Variants in RBM26 observed in about 807,000 individuals in gnomAD.
RBM26 encodes RNA binding motif protein 26.
RBM26 carries 30 observed loss-of-function variants against 123.6 expected under a neutral mutation model. The ratio of observed to expected loss-of-function variants is 0.24; its 90% CI spans 0.18 to 0.33. The LOEUF (loss-of-function observed/expected upper bound fraction) is 0.33. Among genes scored for constraint, RBM26 ranks in the 10% least tolerant of loss-of-function variants. The pLI is 1.00. For missense variants in RBM26, 947 were observed against 1,203.6 expected (o/e 0.79, Z 3.15); for synonymous variants, 400 against 404.4 (o/e 0.99, Z 0.13).
intron 3 of RBM26, among the ~76,000 whole-genome samples, chr13:79,375,073 ATATGATATATATAAATATATATT>A (rs992549849): frequency 5.6e-4 from 15 of 26,942 alleles, no homozygotes; most frequent in African/African-American, 1.9e-3. Context: ...TTATATATTT[ATATGATATATATAAATATATATT>A]TATATATATC....
chr13:79,319,910 CTTTTCT>C lies in RBM26; in HGVS notation c.*705_*710del. ...TTTTAATTTTTTTCTTTTCTTTTTT[CTTTTCT>C]TTTTTTTTTTAAATCAAGGAACATT... On this transcript the variant is annotated 3_prime_UTR_variant, in exon 22 of 22. Coordinates refer to ENST00000438737, the MANE Select transcript of RBM26 (RefSeq NM_001366735.2). The C allele has an allele frequency of 2.9e-6, 2 of 690,000 alleles. No homozygotes were observed. The highest frequency in any genetic ancestry group is 1.2e-4 in the African/African-American group (2 of 17,154). The allele number at this position is 690,000 out of a possible 1,614,324, so 42.7% of individuals were successfully genotyped here. A position where few individuals can be genotyped will look rare whatever the true frequency, so the allele number is the denominator to read the frequency against.
intron 20 of RBM26, among the ~76,000 whole-genome samples, chr13:79,325,389 C>T (rs1334522582): frequency 6.6e-6 from 1 of 152,086 alleles, no homozygotes; most frequent in African/African-American, 2.4e-5. Flanking sequence ...CCCCTCAAGA[C>T]TTTCCAGTGG....
intron 1 of RBM26, among the ~76,000 whole-genome samples, chr13:79,388,661 T>A (rs2077686604): frequency 6.6e-6 from 1 of 152,198 alleles, no homozygotes; most frequent in South Asian, 2.1e-4. Flanking sequence ...CATCCAAACT[T>A]AACATGATTC....
intron 9 of RBM26, among the ~76,000 whole-genome samples, chr13:79,362,274 C>A (rs2074785824): frequency 6.6e-6 from 1 of 152,190 alleles, no homozygotes; most frequent in African/African-American, 2.4e-5. Context: ...ATTTCATCCA[C>A]TTATTACCCC....
chr13:79,365,455 GAAATA>G (rs2075163217), intron 9 of RBM26, 118 bp downstream of exon 9: 1 of 793,072 alleles, frequency 1.3e-6, no homozygotes, highest in Non-Finnish European at 2.0e-6. Flanking sequence ...AAAATAAAAT[GAAATA>G]AAATAAATCA....
intron 20 of RBM26, among the ~76,000 whole-genome samples, chr13:79,325,836 CT>C (rs2068320752): frequency 1.3e-5 from 2 of 152,152 alleles, no homozygotes; most frequent in African/African-American, 4.8e-5. Context: ...ATTTCCAGTC[CT>C]GCAAATGCCA....
Position 79,320,574 on chromosome 13 carries a change from G to GA in RBM26, c.*46dup. ...TAAAAGTACATTAGATAATACTAAT[G>GA]AAACACAGGTAGAGTTCTAGCATAT... On this transcript the variant is annotated 3_prime_UTR_variant, in exon 22 of 22. Coordinates refer to ENST00000438737, the MANE Select transcript of RBM26 (RefSeq NM_001366735.2). 1 of 1,480,574 alleles carries GA rather than the reference G, an allele frequency of 6.8e-7. No homozygotes were observed. 91.7% of individuals were successfully genotyped at this position (1,480,574 alleles called of 1,614,324 possible). A position where few individuals can be genotyped will look rare whatever the true frequency, so the allele number is the denominator to read the frequency against.
chr13:79,390,734 A>G lies in RBM26; in HGVS notation c.72-11827T>C, dbSNP rs562865794. ...CTAAAATGTTAATGGTAGAATCTCA[A>G]TGACGGGTATGTCACTGTAAAATTC... On this transcript the variant is annotated intron_variant, in intron 1 of 21. Transcript: ENST00000438737. 5.3e-5 allele frequency among the ~76,000 whole-genome samples: 8 copies of G among 152,326 alleles called. No homozygotes were observed. The South Asian group carries it at 1.7e-3, about 32-fold the overall frequency.
chr13:79,362,200 C>A (rs138522375), intron 9 of RBM26, among the ~76,000 whole-genome samples: 4 of 152,256 alleles, frequency 2.6e-5, no homozygotes, highest in Admixed American at 6.5e-5. Context: ...TCTGTCAAAG[C>A]TGTCCTTCTC....
intron 1 of RBM26, among the ~76,000 whole-genome samples, chr13:79,389,973 G>A (rs2077805601): frequency 6.6e-6 from 1 of 152,058 alleles, no homozygotes; most frequent in African/African-American, 2.4e-5. Context: ...GGAAATACTA[G>A]TTGTAGTAGC....
At chr13:79,314,228 T>C (rs1018287426), downstream of RBM26, 2 of 151,712 alleles carry the variant, frequency 1.3e-5, no homozygotes, top group Non-Finnish European at 3.0e-5. Context: ...CACAACACTA[T>C]TTCCTCTTGC....
chr13:79,335,041 A>T (rs1436615848), intron 19 of RBM26, among the ~76,000 whole-genome samples: 1 of 151,998 alleles, frequency 6.6e-6, no homozygotes, highest in African/African-American at 2.4e-5. Flanking sequence ...GGTTTGTTGG[A>T]TTTTTTTCCC....
At chr13:79,397,959 CAAG>C (rs1388178581) in intron 1 of RBM26, among the ~76,000 whole-genome samples, 2 of 152,036 alleles carry the variant, frequency 1.3e-5, no homozygotes, top group African/African-American at 4.8e-5. Context: ...TAAAATATCT[CAAG>C]AAGAATCACT....
chr13:79,337,822 T>C (rs891673349), intron 18 of RBM26, among the ~76,000 whole-genome samples: 3 of 152,212 alleles, frequency 2.0e-5, no homozygotes, highest in Admixed American at 1.3e-4. Context: ...TGTATGATGA[T>C]AGCACACCAC....
chr13:79,378,564 C>T (rs1384228910), intron 2 of RBM26, among the ~76,000 whole-genome samples: 3 of 152,054 alleles, frequency 2.0e-5, no homozygotes, highest in Non-Finnish European at 2.9e-5. Context: ...CTCAGCCTCC[C>T]GAGTAGCCGG....
Position 79,366,726 on chromosome 13 carries a change from G to A in RBM26, c.1042C>T (p.Pro348Ser), listed in dbSNP as rs774637716. The part of the protein sequence containing the change: ...VEGPPPPGLP[P>S]PPPILTPPPV... ...GGGGGTGTAAGAATTGGTGGAGGTG[G>A]GGGGAGTCCAGGAGGAGGTGGTCCT... The change falls in exon 7 of 22, where the codon CCA becomes TCA. Residue 348 changes from proline (P) to serine (S), a missense_variant. Pro to Ser is a moderately conservative substitution (Grantham distance 74). Transcript: ENST00000438737. The A allele has an allele frequency of 6.2e-7, 1 of 1,612,708 alleles. No individual in the cohort carries two copies. The highest frequency in any genetic ancestry group is 1.7e-5 in the Admixed American group (1 of 59,898).
intron 19 of RBM26, among the ~76,000 whole-genome samples, chr13:79,335,112 T>C (rs2138875881): frequency 6.6e-6 from 1 of 152,222 alleles, no homozygotes; most frequent in Non-Finnish European, 1.5e-5. Flanking sequence ...TCTAGTCCTT[T>C]ATATATCATT....
intron 3 of RBM26, among the ~76,000 whole-genome samples, chr13:79,373,147 A>G (rs1199156356): frequency 5.3e-5 from 1 of 18,718 alleles, no homozygotes; most frequent in Non-Finnish European, 9.1e-5. Flanking sequence ...TATATATTAT[A>G]TATTTTATGT....
chr13:79,365,866 A>T (rs1413485575), intron 8 of RBM26, 148 bp from the exon 9 acceptor site: 1 of 953,406 alleles, frequency 1.0e-6, no homozygotes, highest in African/African-American at 1.7e-5. Flanking sequence ...TTTATTTAAA[A>T]AAGTTATTAA....
Sources: gnomAD v4.1 joint callset for allele counts (sites outside exome capture counted in the v4.1 genomes callset) on GRCh38, gnomAD v4.1.1 for gene constraint, MANE v1.5 for transcripts, NCBI Gene and HGNC (gene_info 2026-07-23, HGNC 2026-07-21) for gene names.